Variants in MSI2 observed in about 807,000 individuals in gnomAD.
MSI2 encodes the protein musashi RNA binding protein 2, also known as RNA-binding protein Musashi homolog 2.
Under a neutral mutation model 45.6 loss-of-function variants are expected in MSI2, and 17 were observed. That is an observed-to-expected ratio of 0.37 (90% CI 0.26 to 0.56). The LOEUF (loss-of-function observed/expected upper bound fraction) is 0.56. Ranked by LOEUF, MSI2 falls within the 20% of genes least tolerant of loss-of-function variation. MSI2 has a pLI of 0.77. For synonymous variants in MSI2, 156 were observed against 158.2 expected, an observed-to-expected ratio of 0.99 and a Z score of 0.11; for missense variants, 293 against 444.2, an observed-to-expected ratio of 0.66 and a Z score of 3.06.
chr17:57,378,743 G>T (rs767978193), intron 5 of MSI2, among the ~76,000 whole-genome samples: 1 of 152,168 alleles, frequency 6.6e-6, no homozygotes, highest in Non-Finnish European at 1.5e-5. Flanking sequence ...CAAGTTTAGG[G>T]GTGTTGGCAT....
intron 10 of MSI2, among the ~76,000 whole-genome samples, chr17:57,633,923 A>G (rs1909627905): frequency 6.6e-6 from 1 of 152,186 alleles, no homozygotes; most frequent in South Asian, 2.1e-4. Flanking sequence ...AGTGAAAGGA[A>G]TGATACAGGA....
chr17:57,562,487 T>C (rs2087602266), intron 7 of MSI2, among the ~76,000 whole-genome samples: 1 of 152,204 alleles, frequency 6.6e-6, no homozygotes, highest in Admixed American at 6.5e-5. Context: ...AGTGCAGAGC[T>C]GCGTAACACA....
At chr17:57,425,273 T>TA (rs1386521492) in intron 6 of MSI2, among the ~76,000 whole-genome samples, 1 of 148,102 alleles carries the variant, frequency 6.8e-6, no homozygotes, top group Non-Finnish European at 1.5e-5. Flanking sequence ...GGGTGATCTG[T>TA]AAATGAAGGA....
rs77758527 is a variant in MSI2 at position 57,298,095 on chromosome 17, A to G, written c.312+35903A>G. Among the ~76,000 whole-genome samples the G allele has an allele frequency of 5.5e-3, 833 of 151,216 alleles. 11 individuals are homozygous for G. The highest frequency in any genetic ancestry group is 0.019 in the African/African-American group (800 of 41,116). On this transcript the variant is annotated intron_variant, in intron 5 of 13. Transcript: ENST00000284073. ...TCACAAATTTTTTAATGGCATCTAG[A>G]GTGGTGAATGCTTTCCAGAAGGGCT...
At chr17:57,512,041 A>G (rs1049396256) in intron 6 of MSI2, among the ~76,000 whole-genome samples, 7 of 152,164 alleles carry the variant, frequency 4.6e-5, no homozygotes, top group African/African-American at 1.7e-4. Context: ...AGTTAGTGTC[A>G]TTTTTACCCT....
intron 7 of MSI2, among the ~76,000 whole-genome samples, chr17:57,578,764 A>G (rs2088120525): frequency 1.3e-5 from 2 of 152,100 alleles, no homozygotes; most frequent in Admixed American, 6.5e-5. Flanking sequence ...TCCTCTTTTC[A>G]ATATCAAGTT....
At chr17:57,506,383 A>C (rs1214341821) in intron 6 of MSI2, among the ~76,000 whole-genome samples, 1 of 152,162 alleles carries the variant, frequency 6.6e-6, no homozygotes, top group African/African-American at 2.4e-5. Flanking sequence ...AGGGATCTGT[A>C]ATTTTCCGTG....
chr17:57,393,854 G>A (rs1028160178), intron 5 of MSI2, among the ~76,000 whole-genome samples: 4 of 151,944 alleles, frequency 2.6e-5, no homozygotes, highest in African/African-American at 7.3e-5. Flanking sequence ...GCTAATTTTC[G>A]TATTTTTAGT....
intron 5 of MSI2, among the ~76,000 whole-genome samples, chr17:57,395,043 T>C (rs73327228): frequency 0.032 from 4,886 of 152,290 alleles, 280 homozygotes; most frequent in African/African-American, 0.11. Flanking sequence ...AACTGTCCCA[T>C]ACCTCTCTCC....
Position 57,506,137 on chromosome 17 carries a change from G to A in MSI2, c.406-23539G>A, listed in dbSNP as rs748385531. ...TCTCTGTGGCAAGCGGAGGTGGGAC[G>A]TTTTCTTTAAAGACGCCCTCACCTA... On this transcript the variant is annotated intron_variant, in intron 6 of 13. Coordinates refer to ENST00000284073, the MANE Select transcript of MSI2 (RefSeq NM_138962.4). Among the ~76,000 whole-genome samples the A allele has an allele frequency of 5.3e-5, 8 of 152,352 alleles. 1 individual carries two copies. The highest frequency in any genetic ancestry group is 3.9e-4 in the East Asian group (2 of 5,188).
intron 6 of MSI2, among the ~76,000 whole-genome samples, chr17:57,416,564 A>G (rs2084298199): frequency 6.6e-6 from 1 of 152,210 alleles, no homozygotes; most frequent in Non-Finnish European, 1.5e-5. Flanking sequence ...ACTGTCTGTG[A>G]CATCCCTTCT....
chr17:57,279,724 A>G (rs1450931057), intron 5 of MSI2: 28 of 152,170 alleles, frequency 1.8e-4, no homozygotes, highest in Admixed American at 1.7e-3. Context: ...AGCTCACTGC[A>G]GCCTTGAATT....
chr17:57,309,959 C>T (rs757926535), intron 5 of MSI2, among the ~76,000 whole-genome samples: 21 of 152,216 alleles, frequency 1.4e-4, no homozygotes, highest in Middle Eastern at 6.8e-3. Context: ...TCCTGGCAGA[C>T]GGTGATGATG....
chr17:57,492,643 C>T (rs538520364), intron 6 of MSI2, among the ~76,000 whole-genome samples: 1 of 151,958 alleles, frequency 6.6e-6, no homozygotes, highest in South Asian at 2.1e-4. Context: ...GAGTTTTGCT[C>T]TTGTTGCCCA....
chr17:57,304,447 G>GTTTTTTTTT, intron 5 of MSI2, among the ~76,000 whole-genome samples: 1 of 142,838 alleles, frequency 7.0e-6, no homozygotes. Flanking sequence ...TTTTGAGACC[G>GTTTTTTTTT]AGTCTCACTC....
At chr17:57,672,271 C>G (rs778559349) in intron 11 of MSI2, among the ~76,000 whole-genome samples, 1 of 152,172 alleles carries the variant, frequency 6.6e-6, no homozygotes, top group African/African-American at 2.4e-5. Context: ...GAGGACTGAG[C>G]AAGGAGGGGT....
At chr17:57,338,224 G>C (rs906836905) in intron 5 of MSI2, among the ~76,000 whole-genome samples, 1 of 152,110 alleles carries the variant, frequency 6.6e-6, no homozygotes, top group African/African-American at 2.4e-5. Context: ...GAGTAGCTGG[G>C]ATTACAGGTG....
At chr17:57,569,271 C>G (rs533279503) in intron 7 of MSI2, among the ~76,000 whole-genome samples, 2 of 152,336 alleles carry the variant, frequency 1.3e-5, no homozygotes, top group South Asian at 4.1e-4. Context: ...CTGATGGAAA[C>G]TGGTAGCTTC....
chr17:57,446,238 G>A (rs762162835), intron 6 of MSI2, among the ~76,000 whole-genome samples: 112 of 152,264 alleles, frequency 7.4e-4, no homozygotes, highest in Non-Finnish European at 1.1e-3. Context: ...CAGGGAGAAC[G>A]CACAGCCCAT....
Sources: allele counts gnomAD v4.1 joint callset (sites outside exome capture counted in the v4.1 genomes callset), GRCh38; gene constraint gnomAD v4.1.1; transcripts MANE v1.5; gene names NCBI Gene and HGNC (gene_info 2026-07-23, HGNC 2026-07-21).